The following ADCK1 variants were observed in gnomAD, a reference collection of about 807,000 sequenced individuals.
ADCK1 encodes aarF domain-containing protein kinase 1.
In ADCK1, 41 loss-of-function variants were observed where a neutral mutation model predicts 52.3. The ratio of observed to expected loss-of-function variants is 0.78; its 90% CI spans 0.61 to 1.02. ADCK1 has a LOEUF of 1.02. ADCK1 is among the 50% of genes least tolerant of loss of function. ADCK1 has a pLI of 0.00. For synonymous variants in ADCK1, 250 were observed against 274.6 expected (o/e 0.91, Z 0.89); for missense variants, 658 against 679.5 (o/e 0.97, Z 0.35).
At chr14:77,802,437 G>A (rs971296545) in intron 1 of ADCK1, among the ~76,000 whole-genome samples, 3 of 151,928 alleles carry the variant, frequency 2.0e-5, no homozygotes, top group African/African-American at 7.3e-5. Context: ...TGGGACCTTG[G>A]CATCAGTCAG....
intron 3 of ADCK1, among the ~76,000 whole-genome samples, chr14:77,847,912 T>C (rs2082204456): frequency 6.6e-6 from 1 of 151,962 alleles, no homozygotes; most frequent in Non-Finnish European, 1.5e-5. Context: ...AGCCCAGACG[T>C]GGCCAGAGCC....
At chr14:77,852,988 ACC>A (rs2082345383) in intron 3 of ADCK1, among the ~76,000 whole-genome samples, 1 of 134,562 alleles carries the variant, frequency 7.4e-6, no homozygotes, top group Non-Finnish European at 1.6e-5. Flanking sequence ...GGCTCAGGCA[ACC>A]CATCGTCCCC....
Position 77,921,326 on chromosome 14 carries a change from C to CA in ADCK1, c.859-3109dup, listed in dbSNP as rs756056466. ...TGGGCGACAGAGTGAGACTCTGTCT[C>CA]AAAAAAAAAAAAAAAAAAAAAAGAA... On this transcript the variant is annotated intron_variant, in intron 7 of 10. Transcript: ENST00000238561. Among the ~76,000 whole-genome samples the CA allele has an allele frequency of 5.5e-3, 227 of 41,114 alleles. 7 individuals carry two copies. The highest frequency in any genetic ancestry group is 7.2e-3 in the South Asian group (3 of 414). The allele number at this position is 41,114 out of a possible 152,430, so 27.0% of individuals were successfully genotyped here.
At chr14:77,852,883 GTATATA>G (rs1287274541) in intron 3 of ADCK1, among the ~76,000 whole-genome samples, 1 of 18,520 alleles carries the variant, frequency 5.4e-5, no homozygotes, top group South Asian at 1.7e-3. Context: ...TTTTATGTGT[GTATATA>G]TATATATATA....
intron 7 of ADCK1, among the ~76,000 whole-genome samples, chr14:77,911,957 GT>G (rs1367739255): frequency 6.6e-6 from 1 of 152,126 alleles, no homozygotes; most frequent in Non-Finnish European, 1.5e-5. Context: ...TCCAGATAAA[GT>G]TGCAAGTCAT....
In ADCK1 at chr14:77,907,939, G is replaced by T; in HGVS notation, c.858+20G>T. ...AATGAGGTGAGGTCAAGAGCTCAGG[G>T]CTGCTGTGCCGGGGAACGTGGGCTT... On this transcript the variant is annotated intron_variant, in intron 7 of 10. Transcript: ENST00000238561. 1.2e-6 allele frequency: 2 copies of T among 1,607,630 alleles called. No individual in the cohort carries two copies. The highest frequency in any genetic ancestry group is 1.7e-6 in the Non-Finnish European group (2 of 1,174,610).
chr14:77,911,243 T>G (rs1286223098), intron 7 of ADCK1, among the ~76,000 whole-genome samples: 2 of 152,084 alleles, frequency 1.3e-5, no homozygotes, highest in Non-Finnish European at 2.9e-5. Context: ...AGAACCAGGG[T>G]TTGAACTCAG....
chr14:77,811,146 G>A (rs553558882), intron 1 of ADCK1, among the ~76,000 whole-genome samples: 18 of 152,020 alleles, frequency 1.2e-4, no homozygotes, highest in African/African-American at 4.3e-4. Context: ...AGTAGGGTGT[G>A]CAGAATTCCT....
At chr14:77,849,469 T>C (rs1327169741) in intron 3 of ADCK1, among the ~76,000 whole-genome samples, 1 of 152,080 alleles carries the variant, frequency 6.6e-6, no homozygotes, top group Admixed American at 6.6e-5. Context: ...TGAGATAGGG[T>C]CTCGCTTTGT....
At chr14:77,832,819 T>C (rs1165826457) in intron 3 of ADCK1, among the ~76,000 whole-genome samples, 1 of 152,222 alleles carries the variant, frequency 6.6e-6, no homozygotes, top group East Asian at 1.9e-4. Flanking sequence ...ACTAAGCATT[T>C]TAAAGATCCT....
rs145775031 is a variant in ADCK1, at chr14:77,871,866, A to T, written c.423+12587A>T. 2.5e-3 allele frequency among the ~76,000 whole-genome samples: 388 copies of T among 152,252 alleles called. 3 individuals are homozygous for T. The highest frequency in any genetic ancestry group is 9.2e-3 in the African/African-American group (381 of 41,542). ...ATTATTCCTATTTCACAGAGGTGCA[A>T]ACTGAGGCCAGAGATGTTAGGTCTC... On this transcript the variant is annotated intron_variant, in intron 4 of 10. Transcript: ENST00000238561.
intron 3 of ADCK1, among the ~76,000 whole-genome samples, chr14:77,858,351 C>A (rs2082467596): frequency 1.3e-5 from 2 of 152,230 alleles, no homozygotes; most frequent in South Asian, 4.1e-4. Context: ...AATTCTCTGC[C>A]TTAGCCTCCC....
intron 3 of ADCK1, among the ~76,000 whole-genome samples, chr14:77,835,204 A>G (rs939186668): frequency 6.6e-6 from 1 of 152,110 alleles, no homozygotes; most frequent in Non-Finnish European, 1.5e-5. Flanking sequence ...CCAGCATTTT[A>G]TTTTTCCATA....
At position 77,931,619 on chromosome 14, in the gene ADCK1, CCTG is replaced by C; in HGVS notation, c.1313_1315del (p.Leu438del). 4 of 1,613,380 alleles carry C rather than the reference CCTG, an allele frequency of 2.5e-6. No individual in the cohort carries two copies. Among genetic ancestry groups the C allele is most frequent in the Non-Finnish European group, 3.4e-6 (4 of 1,180,042 alleles). On this transcript the variant is annotated inframe_deletion, in exon 10 of 11. Transcript: ENST00000238561. ...TGCTGCTCATCTTGAAGACCAACGA[CCTG>C]CTGCGTGGCATTGAGGCCGCCCTGG...
chr14:77,917,606 G>GT (rs1483084035), intron 7 of ADCK1, among the ~76,000 whole-genome samples: 2 of 151,966 alleles, frequency 1.3e-5, no homozygotes, highest in South Asian at 2.1e-4. Flanking sequence ...TAGATTCCTG[G>GT]TTTTTTTCCC....
chr14:77,871,411 G>A (rs1221617828), intron 4 of ADCK1, among the ~76,000 whole-genome samples: 1 of 152,050 alleles, frequency 6.6e-6, no homozygotes, highest in African/African-American at 2.4e-5. Flanking sequence ...AGGCTGGAGT[G>A]TAGTGGCATG....
intron 9 of ADCK1, among the ~76,000 whole-genome samples, chr14:77,927,430 A>C (rs1227566497): frequency 6.6e-6 from 1 of 152,222 alleles, no homozygotes; most frequent in Non-Finnish European, 1.5e-5. Context: ...ATAGTTCCTG[A>C]AGTTCGTTCT....
chr14:77,904,976 T>A (rs1352930431), intron 6 of ADCK1, among the ~76,000 whole-genome samples: 1 of 152,184 alleles, frequency 6.6e-6, no homozygotes, highest in Non-Finnish European at 1.5e-5. Flanking sequence ...CTCCTGCCCA[T>A]CTGGTGATTT....
chr14:77,803,926 C>T (rs1478433180), intron 1 of ADCK1, among the ~76,000 whole-genome samples: 4 of 152,336 alleles, frequency 2.6e-5, no homozygotes, highest in Non-Finnish European at 4.4e-5. Flanking sequence ...AAGCTCTTAG[C>T]CATTTTACTA....
Sources: allele counts gnomAD v4.1 joint callset (sites outside exome capture counted in the v4.1 genomes callset), GRCh38; gene constraint gnomAD v4.1.1; transcripts MANE v1.5; gene names NCBI Gene and HGNC (gene_info 2026-07-23, HGNC 2026-07-21).